The following CDH12 variants were observed in gnomAD, a reference collection of about 807,000 sequenced individuals.
CDH12 encodes the protein cadherin 12.
A neutral mutation model predicts 74.1 loss-of-function variants in CDH12; 41 were observed. The ratio of observed to expected loss-of-function variants is 0.55; its 90% CI spans 0.43 to 0.72. CDH12 has a LOEUF of 0.72. Ranked by LOEUF, CDH12 falls within the 30% of genes least tolerant of loss-of-function variation. CDH12 has a pLI of 0.00. For missense variants in CDH12, 945 were observed against 977.2 expected (o/e 0.97, Z 0.44); for synonymous variants, 399 against 355.0 (o/e 1.12, Z -1.39).
At chr5:22,345,971 T>A (rs2150459609) in intron 3 of CDH12, among the ~76,000 whole-genome samples, 1 of 152,120 alleles carries the variant, frequency 6.6e-6, no homozygotes, top group East Asian at 1.9e-4. Context: ...CTGGCTGTGG[T>A]GGCACACATC....
chr5:22,549,656 G>T (rs1738480255), intron 1 of CDH12, among the ~76,000 whole-genome samples: 1 of 152,068 alleles, frequency 6.6e-6, no homozygotes, highest in African/African-American at 2.4e-5. Context: ...AAAACGACTG[G>T]AAATTTCTAA....
At chr5:22,819,178 C>T (rs572865265) in intron 1 of CDH12, among the ~76,000 whole-genome samples, 37 of 152,148 alleles carry the variant, frequency 2.4e-4, no homozygotes, top group African/African-American at 7.2e-4. Context: ...CTATTGCTGA[C>T]GCAGGTAAAC....
intron 1 of CDH12, among the ~76,000 whole-genome samples, chr5:22,729,874 C>T (rs555964930): frequency 6.6e-6 from 1 of 151,864 alleles, no homozygotes; most frequent in Non-Finnish European, 1.5e-5. Flanking sequence ...CTGTCTTTAT[C>T]TATTAATTTG....
intron 6 of CDH12, among the ~76,000 whole-genome samples, chr5:21,875,322 A>G (rs1469460297): frequency 6.6e-6 from 1 of 152,218 alleles, no homozygotes; most frequent in Non-Finnish European, 1.5e-5. Flanking sequence ...TGGGGACCTC[A>G]TGGAACTTAT....
chr5:22,434,514 C>A (rs1744301580), intron 2 of CDH12, among the ~76,000 whole-genome samples: 1 of 152,014 alleles, frequency 6.6e-6, no homozygotes, highest in Non-Finnish European at 1.5e-5. Flanking sequence ...TGGAGTTCAC[C>A]ATGTCACTCC....
At position 22,786,250 on chromosome 5, in the gene CDH12, T is replaced by C. The variant is rs981528994; in HGVS notation, c.-523+66808A>G. The stretch of plus-strand genomic sequence containing the variant: ...AATTTTTCATGTTCTCACTTATAAG[T>C]GGGAGCCAAGTGATGAGAACACATG... On this transcript the variant is annotated intron_variant, in intron 1 of 14. Coordinates refer to ENST00000382254, the MANE Select transcript of CDH12 (RefSeq NM_004061.5). Among the ~76,000 whole-genome samples, 7 of 152,166 alleles carry C rather than the reference T, an allele frequency of 4.6e-5. No individual in the cohort carries two copies. The East Asian group carries it at 1.3e-3, about 29-fold the overall frequency.
chr5:22,586,490 A>ATAT (rs1561509926), intron 1 of CDH12, among the ~76,000 whole-genome samples: 5 of 124,998 alleles, frequency 4.0e-5, no homozygotes, highest in African/African-American at 5.5e-5. Flanking sequence ...AGTATAATAA[A>ATAT]ATATATATAT....
chr5:21,889,889 A>C (rs1482072773), intron 6 of CDH12: 6 of 981,122 alleles, frequency 6.1e-6, no homozygotes, highest in Admixed American at 6.1e-5. Context: ...TTAGCATATA[A>C]GTTACCCCAC....
At chr5:22,071,440 CAAT>C (rs912792396) in intron 5 of CDH12, among the ~76,000 whole-genome samples, 5 of 152,104 alleles carry the variant, frequency 3.3e-5, no homozygotes, top group Admixed American at 3.3e-4. Context: ...TTACCAAAAC[CAAT>C]GGAACATTTT....
intron 6 of CDH12, among the ~76,000 whole-genome samples, chr5:21,856,526 A>T (rs910856537): frequency 1.3e-5 from 2 of 151,850 alleles, no homozygotes; most frequent in African/African-American, 4.8e-5. Flanking sequence ...AGTGAAAAAC[A>T]TTAATAAAAT....
At chr5:22,809,298 G>A (rs1456639765) in intron 1 of CDH12, among the ~76,000 whole-genome samples, 1 of 151,836 alleles carries the variant, frequency 6.6e-6, no homozygotes, top group Non-Finnish European at 1.5e-5. Context: ...GAGTTATGTG[G>A]TAGCAGACAA....
chr5:22,741,197 T>A (rs761183434), intron 1 of CDH12, among the ~76,000 whole-genome samples: 15 of 152,170 alleles, frequency 9.9e-5, no homozygotes, highest in Non-Finnish European at 1.9e-4. Context: ...TGACTTTCAA[T>A]GAAGAGGAGC....
At chr5:22,241,824 T>G (rs907528323) in intron 3 of CDH12, among the ~76,000 whole-genome samples, 2 of 152,024 alleles carry the variant, frequency 1.3e-5, no homozygotes, top group African/African-American at 4.8e-5. Context: ...TAAATTATAA[T>G]AAGAACAAAT....
intron 2 of CDH12, among the ~76,000 whole-genome samples, chr5:22,484,941 T>A (rs2126630592): frequency 6.6e-6 from 1 of 152,300 alleles, no homozygotes. Flanking sequence ...ATAGTCATTC[T>A]TCAAGGGTCT....
chr5:22,569,800 G>A (rs764544857), intron 1 of CDH12, among the ~76,000 whole-genome samples: 35 of 152,058 alleles, frequency 2.3e-4, no homozygotes, highest in Admixed American at 2.0e-4. Flanking sequence ...CATACTTGCA[G>A]TTACTTCCTC....
Position 21,942,347 on chromosome 5 carries a change from T to TAC in CDH12, c.526+32742_526+32743dup, listed in dbSNP as rs70957081. 3.2e-3 allele frequency among the ~76,000 whole-genome samples: 409 copies of TAC among 129,656 alleles called. 7 individuals carry two copies. Among genetic ancestry groups the TAC allele is most frequent in the African/African-American group, 6.1e-3 (190 of 31,392 alleles). 85.1% of individuals were successfully genotyped at this position (129,656 alleles called of 152,430 possible). The stretch of plus-strand genomic sequence containing the variant: ...GAGACAAATACAGTATATATATATA[T>TAC]ACACACACACACACACACACACACA... On this transcript the variant is annotated intron_variant, in intron 6 of 14. Coordinates refer to ENST00000382254, the MANE Select transcript of CDH12 (RefSeq NM_004061.5).
At chr5:22,136,092 AT>A (rs745322591) in intron 4 of CDH12, among the ~76,000 whole-genome samples, 5 of 152,066 alleles carry the variant, frequency 3.3e-5, no homozygotes, top group Non-Finnish European at 7.4e-5. Flanking sequence ...CATAAGTATA[AT>A]GGATAGGTAA....
chr5:22,080,774 CT>C, intron 4 of CDH12, among the ~76,000 whole-genome samples: 1 of 151,676 alleles, frequency 6.6e-6, no homozygotes. Context: ...TTGCTTCTTT[CT>C]TTCTTTTTTC....
chr5:22,390,930 AT>A (rs1742222246), intron 3 of CDH12, among the ~76,000 whole-genome samples: 1 of 152,184 alleles, frequency 6.6e-6, no homozygotes. Context: ...TGAAAAAAAA[AT>A]CTCTCTAGTT....
Sources: gnomAD v4.1 joint callset for allele counts (sites outside exome capture counted in the v4.1 genomes callset) on GRCh38, gnomAD v4.1.1 for gene constraint, MANE v1.5 for transcripts, NCBI Gene and HGNC (gene_info 2026-07-23, HGNC 2026-07-21) for gene names.